MAN2A1: variants seen among roughly 807,000 people sequenced by gnomAD.
The protein encoded by MAN2A1 is alpha-mannosidase 2.
In MAN2A1, 76 loss-of-function variants were observed where a neutral mutation model predicts 142.6. The observed-to-expected ratio is 0.53, with a 90% CI of 0.44 to 0.65. The LOEUF (loss-of-function observed/expected upper bound fraction) is 0.65, where lower values mean the gene tolerates loss of function less well. Ranked by LOEUF, MAN2A1 falls within the 30% of genes least tolerant of loss-of-function variation. The pLI is 0.00. For synonymous variants in MAN2A1, 559 were observed against 473.2 expected, an observed-to-expected ratio of 1.18 and a Z score of -2.35; for missense variants, 1,311 against 1,365.1, an observed-to-expected ratio of 0.96 and a Z score of 0.62.
At chr5:109,784,039 GTC>G (rs1325278268) in intron 9 of MAN2A1, among the ~76,000 whole-genome samples, 1 of 151,936 alleles carries the variant, frequency 6.6e-6, no homozygotes, top group East Asian at 1.9e-4. Flanking sequence ...CTAAGATAGA[GTC>G]TCTCTATGTT....
At chr5:109,709,896 T>C (rs1026423738) in intron 1 of MAN2A1, among the ~76,000 whole-genome samples, 3 of 152,208 alleles carry the variant, frequency 2.0e-5, no homozygotes, top group African/African-American at 7.2e-5. Context: ...ACTATAAGTA[T>C]TCTTTGACTT....
rs529924332 is a variant in MAN2A1, at chr5:109,833,663, AGAGAGG to A, written c.2567-8648_2567-8643del. ...TCGGCATCAGAGGGAGACGGTGGAG[AGAGAGG>A]GAGAGGGAGAGGGAGACTGTGGGGA... On this transcript the variant is annotated intron_variant, in intron 16 of 21. Coordinates refer to ENST00000261483, the MANE Select transcript of MAN2A1 (RefSeq NM_002372.4). Among the ~76,000 whole-genome samples the A allele has an allele frequency of 5.2e-4, 61 of 117,310 alleles. 1 individual carries two copies. In the South Asian group the frequency reaches 0.019, roughly 37 times the overall value. The allele number at this position is 117,310 out of a possible 152,430, so 77.0% of individuals were successfully genotyped here. A position where few individuals can be genotyped will look rare whatever the true frequency, so the allele number is the denominator to read the frequency against.
In MAN2A1 at chr5:109,819,608, T is replaced by C. The variant is rs1301785545; in HGVS notation, c.2110-61T>C. ...TTGTTGGTTTTACCAAAAATATAAA[T>C]GGTTTGCCTCTCAGTAGATAACATT... On this transcript the variant is annotated intron_variant, in intron 13 of 21. Transcript: ENST00000261483. The C allele has an allele frequency of 5.1e-6, 5 of 984,744 alleles. 1 individual carries two copies. Among genetic ancestry groups the C allele is most frequent in the Non-Finnish European group, 7.2e-6 (5 of 692,264 alleles). The allele number at this position is 984,744 out of a possible 1,614,324, so 61.0% of individuals were successfully genotyped here. A position where few individuals can be genotyped will look rare whatever the true frequency, so the allele number is the denominator to read the frequency against.
chr5:109,782,248 A>G (rs904561564), intron 9 of MAN2A1, among the ~76,000 whole-genome samples: 2 of 152,202 alleles, frequency 1.3e-5, no homozygotes, highest in African/African-American at 4.8e-5. Flanking sequence ...TAAAAACACT[A>G]AACTGACACT....
chr5:109,762,136 A>G (rs935008918), intron 5 of MAN2A1, among the ~76,000 whole-genome samples: 2 of 152,148 alleles, frequency 1.3e-5, no homozygotes, highest in Non-Finnish European at 2.9e-5. Context: ...GTTTTTTTCC[A>G]CAAGGATAGG....
chr5:109,859,437 G>A (rs979211281), intron 20 of MAN2A1, among the ~76,000 whole-genome samples: 1 of 152,066 alleles, frequency 6.6e-6, no homozygotes, highest in African/African-American at 2.4e-5. Flanking sequence ...AACATCTCTG[G>A]AAGCCCTGCC....
intron 5 of MAN2A1, among the ~76,000 whole-genome samples, chr5:109,759,214 A>G (rs538087905): frequency 6.6e-6 from 1 of 152,250 alleles, no homozygotes; most frequent in African/African-American, 2.4e-5. Flanking sequence ...CTTTCCATTT[A>G]AGTAGATCAT....
intron 3 of MAN2A1, among the ~76,000 whole-genome samples, chr5:109,724,944 A>G (rs1751701540): frequency 6.6e-6 from 1 of 152,170 alleles, no homozygotes; most frequent in African/African-American, 2.4e-5. Flanking sequence ...TAGCTGAAGT[A>G]ATAAATTTGC....
At chr5:109,712,447 C>T (rs568982352) in intron 1 of MAN2A1, among the ~76,000 whole-genome samples, 51 of 152,222 alleles carry the variant, frequency 3.4e-4, no homozygotes, top group African/African-American at 1.2e-3. Context: ...GCTGACATCC[C>T]TTCCATGATA....
Position 109,814,778 on chromosome 5 carries a change from A to G in MAN2A1, c.1944-2495A>G, listed in dbSNP as rs377180586. Among the ~76,000 whole-genome samples the G allele has an allele frequency of 6.6e-5, 10 of 152,342 alleles. No individual in the cohort carries two copies. The South Asian group carries it at 1.4e-3, about 22-fold the overall frequency. On this transcript the variant is annotated intron_variant, in intron 12 of 21. Transcript: ENST00000261483. ...GTTAAAATTATTGTTTGCATTAAGT[A>G]TGAGTACTTTTTTTTCATAGAAGGA... is the stretch of plus-strand genomic sequence containing the variant.
chr5:109,776,251 A>G (rs907461206), intron 8 of MAN2A1, among the ~76,000 whole-genome samples: 4 of 152,146 alleles, frequency 2.6e-5, no homozygotes, highest in African/African-American at 9.6e-5. Flanking sequence ...ATAGTTTAGT[A>G]AGAATTCAAG....
intron 4 of MAN2A1, among the ~76,000 whole-genome samples, chr5:109,738,735 C>A (rs1283053566): frequency 6.6e-6 from 1 of 152,138 alleles, no homozygotes; most frequent in Non-Finnish European, 1.5e-5. Context: ...TTTAAAACCC[C>A]AATAAACATT....
chr5:109,833,627 CCGGCCTCTGCT>C (rs1247757986), intron 16 of MAN2A1, among the ~76,000 whole-genome samples: 1 of 149,756 alleles, frequency 6.7e-6, no homozygotes, highest in Non-Finnish European at 1.5e-5. Context: ...GCACTACAGT[CCGGCCTCTGCT>C]CGGCATCAGA....
At chr5:109,727,918 A>G (rs971448682) in intron 3 of MAN2A1, among the ~76,000 whole-genome samples, 1 of 152,092 alleles carries the variant, frequency 6.6e-6, no homozygotes, top group Non-Finnish European at 1.5e-5. Flanking sequence ...CATTTCATGA[A>G]ATATCTTTGA....
At chr5:109,712,196 TCA>T (rs1170033586) in intron 1 of MAN2A1, among the ~76,000 whole-genome samples, 1 of 152,076 alleles carries the variant, frequency 6.6e-6, no homozygotes, top group Non-Finnish European at 1.5e-5. Context: ...TTGGTAGATC[TCA>T]GTCTCTTAAC....
At chr5:109,743,676 GT>G (rs1428872690) in intron 4 of MAN2A1, among the ~76,000 whole-genome samples, 4 of 151,944 alleles carry the variant, frequency 2.6e-5, no homozygotes, top group Admixed American at 6.6e-5. Context: ...CCTGCTTTTC[GT>G]CTCCATTGCT....
chr5:109,776,295 T>C (rs543680290), intron 8 of MAN2A1, among the ~76,000 whole-genome samples: 3 of 152,070 alleles, frequency 2.0e-5, no homozygotes, highest in Admixed American at 6.6e-5. Flanking sequence ...ATCAAATAGA[T>C]AAATAAACCT....
chr5:109,793,840 T>G (rs1753795595), intron 12 of MAN2A1, among the ~76,000 whole-genome samples: 1 of 152,194 alleles, frequency 6.6e-6, no homozygotes, highest in African/African-American at 2.4e-5. Context: ...CAGATTGGTT[T>G]TTATATGTAA....
chr5:109,733,136 G>A (rs1751968687), intron 4 of MAN2A1, among the ~76,000 whole-genome samples: 1 of 152,112 alleles, frequency 6.6e-6, no homozygotes, highest in Non-Finnish European at 1.5e-5. Context: ...TTGTGAATGG[G>A]AGTTCACTCA....
Sources: allele counts gnomAD v4.1 joint callset (sites outside exome capture counted in the v4.1 genomes callset), GRCh38; gene constraint gnomAD v4.1.1; transcripts MANE v1.5; gene names NCBI Gene and HGNC (gene_info 2026-07-23, HGNC 2026-07-21).